Variants in ITGA9 observed in about 807,000 individuals in gnomAD.
The protein encoded by ITGA9 is integrin subunit alpha 9, also known as integrin alpha-9.
ITGA9 carries 56 observed loss-of-function variants against 127.8 expected under a neutral mutation model. That is an observed-to-expected ratio of 0.44 (90% CI 0.35 to 0.55). ITGA9 has a LOEUF of 0.55. ITGA9 is among the 20% of genes least tolerant of loss of function. The pLI is 0.00. For missense variants in ITGA9, 1,196 were observed against 1,347.1 expected (o/e 0.89, Z 1.76); for synonymous variants, 508 against 514.5 (o/e 0.99, Z 0.17).
At chr3:37,610,079 C>G (rs1700002308) in intron 15 of ITGA9, among the ~76,000 whole-genome samples, 2 of 152,118 alleles carry the variant, frequency 1.3e-5, no homozygotes, top group African/African-American at 4.8e-5. Flanking sequence ...TTGCCTTGAC[C>G]TCTGGCTGGG....
chr3:37,742,497 A>G, intron 21 of ITGA9, among the ~76,000 whole-genome samples: 1 of 152,226 alleles, frequency 6.6e-6, no homozygotes, highest in East Asian at 1.9e-4. Context: ...TTTCAACCAA[A>G]GCCCCAGCTT....
At chr3:37,478,959 A>G (rs1023891423) in intron 3 of ITGA9, among the ~76,000 whole-genome samples, 6 of 152,330 alleles carry the variant, frequency 3.9e-5, no homozygotes, top group East Asian at 1.9e-4. Context: ...AAGCCTTCCT[A>G]TAAGTGTCAG....
chr3:37,467,895 C>T (rs371614509), intron 1 of ITGA9, among the ~76,000 whole-genome samples: 49 of 152,168 alleles, frequency 3.2e-4, no homozygotes, highest in African/African-American at 1.0e-3. Context: ...TCTTATGAAG[C>T]GCAATATGTG....
chr3:37,706,246 CCTCT>C (rs1438181945), intron 18 of ITGA9, among the ~76,000 whole-genome samples: 1 of 152,106 alleles, frequency 6.6e-6, no homozygotes. Flanking sequence ...ATCAATATGC[CCTCT>C]CTCTATCTTC....
At chr3:37,499,247 G>A (rs539432383) in intron 5 of ITGA9, among the ~76,000 whole-genome samples, 2 of 152,362 alleles carry the variant, frequency 1.3e-5, no homozygotes, top group East Asian at 3.9e-4. Flanking sequence ...GTTCACGCCT[G>A]CTGTAGAAGC....
chr3:37,740,349 G>C (rs776970519), intron 20 of ITGA9, among the ~76,000 whole-genome samples: 3 of 152,088 alleles, frequency 2.0e-5, no homozygotes, highest in Non-Finnish European at 2.9e-5. Flanking sequence ...TGTGAATGTA[G>C]GTTCAAGAAC....
chr3:37,683,609 AGTTTGAT>A (rs1192288328), intron 17 of ITGA9, among the ~76,000 whole-genome samples: 1 of 152,184 alleles, frequency 6.6e-6, no homozygotes, highest in Non-Finnish European at 1.5e-5. Flanking sequence ...TAGTTTTTGA[AGTTTGAT>A]GTACAAGATT....
At chr3:37,628,443 A>T (rs971649401) in intron 15 of ITGA9, among the ~76,000 whole-genome samples, 2 of 152,182 alleles carry the variant, frequency 1.3e-5, no homozygotes, top group African/African-American at 4.8e-5. Context: ...TTTACCAGCC[A>T]TGTGCCCTGG....
intron 10 of ITGA9, 70 bp downstream of exon 10, chr3:37,517,679 C>T (rs1428686917): frequency 9.8e-6 from 11 of 1,125,292 alleles, no homozygotes; most frequent in South Asian, 1.3e-5. Flanking sequence ...GAGGGGCAGC[C>T]TGCTCGCTGA....
At chr3:37,640,563 T>C (rs1700322502) in intron 16 of ITGA9, among the ~76,000 whole-genome samples, 1 of 152,172 alleles carries the variant, frequency 6.6e-6, no homozygotes, top group South Asian at 2.1e-4. Context: ...CTGTAGAACC[T>C]GGAGCAGACC....
chr3:37,557,652 T>C (rs1699444253), intron 15 of ITGA9, among the ~76,000 whole-genome samples: 1 of 152,112 alleles, frequency 6.6e-6, no homozygotes, highest in African/African-American at 2.4e-5. Context: ...AAGAAGAAAT[T>C]AAGTTGTAAC....
chr3:37,687,142 T>C (rs2125664988), intron 18 of ITGA9, among the ~76,000 whole-genome samples: 1 of 151,902 alleles, frequency 6.6e-6, no homozygotes. Flanking sequence ...ATGAACAAAG[T>C]GGAAGATCAG....
intron 15 of ITGA9, among the ~76,000 whole-genome samples, chr3:37,585,041 G>A (rs771346634): frequency 6.6e-6 from 1 of 152,012 alleles, no homozygotes; most frequent in Non-Finnish European, 1.5e-5. Context: ...GGCTCTCTAC[G>A]GAAGGCCATA....
At chr3:37,687,663 A>T (rs1297536736) in intron 18 of ITGA9, among the ~76,000 whole-genome samples, 2 of 152,264 alleles carry the variant, frequency 1.3e-5, no homozygotes, top group African/African-American at 4.8e-5. Context: ...CTGTAACATT[A>T]ATGTCCAAAA....
chr3:37,730,453 A>G (rs757992459), intron 18 of ITGA9, among the ~76,000 whole-genome samples: 3 of 152,206 alleles, frequency 2.0e-5, no homozygotes, highest in Non-Finnish European at 2.9e-5. Context: ...TTGAGACAGC[A>G]TTTGAGAAAT....
At chr3:37,657,205 A>C (rs1409881846) in intron 17 of ITGA9, among the ~76,000 whole-genome samples, 2 of 152,204 alleles carry the variant, frequency 1.3e-5, no homozygotes, top group Non-Finnish European at 2.9e-5. Context: ...CTGGCCTCAT[A>C]AAATGAGTTA....
intron 27 of ITGA9, among the ~76,000 whole-genome samples, chr3:37,817,104 T>G (rs1304001726): frequency 6.6e-6 from 1 of 152,214 alleles, no homozygotes; most frequent in East Asian, 1.9e-4. Context: ...AGGGTGGCTG[T>G]GATGCTTCCC....
chr3:37,539,284 A>G (rs1699243414), intron 14 of ITGA9, among the ~76,000 whole-genome samples: 2 of 152,262 alleles, frequency 1.3e-5, no homozygotes, highest in South Asian at 2.1e-4. Context: ...ATCTGAGTGC[A>G]TGTGGTTGAT....
intron 4 of ITGA9, among the ~76,000 whole-genome samples, chr3:37,491,793 A>G (rs1310596204): frequency 6.6e-6 from 1 of 152,082 alleles, no homozygotes; most frequent in Non-Finnish European, 1.5e-5. Flanking sequence ...CTATGTACAT[A>G]CTCTTTGGGG....
Sources: allele counts gnomAD v4.1 joint callset (sites outside exome capture counted in the v4.1 genomes callset), GRCh38; gene constraint gnomAD v4.1.1; transcripts MANE v1.5; gene names NCBI Gene and HGNC (gene_info 2026-07-23, HGNC 2026-07-21).